Variants in PPP2R3C observed in about 807,000 individuals in gnomAD.
PPP2R3C encodes protein phosphatase 2 regulatory subunit B''gamma.
A neutral mutation model predicts 63.7 loss-of-function variants in PPP2R3C; 47 were observed. That is an observed-to-expected ratio of 0.74 (90% CI 0.58 to 0.94). PPP2R3C has a LOEUF of 0.94. Among genes scored for constraint, PPP2R3C ranks in the 40% least tolerant of loss-of-function variants. The pLI is 0.00. For missense variants in PPP2R3C, 421 were observed against 518.4 expected, an observed-to-expected ratio of 0.81 and a Z score of 1.82; for synonymous variants, 180 against 177.4, an observed-to-expected ratio of 1.01 and a Z score of -0.12.
In PPP2R3C at chr14:35,104,757, GAC is replaced by G. The variant is rs1015051991; in HGVS notation, c.573+2545_573+2546del. ...TCTCATATTTTCTTTTTTCTTTTGA[GAC>G]AGTCTTGCTCTGTTGCCCAGGCTGG... On this transcript the variant is annotated intron_variant, in intron 6 of 12. Coordinates refer to ENST00000261475, the MANE Select transcript of PPP2R3C (RefSeq NM_017917.4). 3.3e-5 allele frequency among the ~76,000 whole-genome samples: 5 copies of G among 152,002 alleles called. No individual in the cohort carries two copies. In the South Asian group the frequency reaches 8.3e-4, roughly 25 times the overall value.
chr14:35,093,900 C>G (rs1033560720), intron 10 of PPP2R3C, among the ~76,000 whole-genome samples: 2 of 152,180 alleles, frequency 1.3e-5, no homozygotes, highest in African/African-American at 4.8e-5. Flanking sequence ...ATCCACCCGC[C>G]TCGGCCTCCC....
intron 7 of PPP2R3C, among the ~76,000 whole-genome samples, chr14:35,098,432 T>C (rs1457402208): frequency 2.0e-5 from 3 of 146,560 alleles, no homozygotes; most frequent in Non-Finnish European, 3.0e-5. Context: ...GGCTCACCTC[T>C]GCCTCCCGGG....
Position 35,085,768 on chromosome 14 carries a change from A to G in PPP2R3C, c.1184T>C (p.Phe395Ser), listed in dbSNP as rs1399684081. The change falls in exon 13 of 13, where the codon TTT becomes TCT. Residue 395 changes from phenylalanine (F) to serine (S), a missense_variant. By Grantham distance (155) the Phe-to-Ser change is radical. This residue lies in a region of PPP2R3C where 231 missense variants were observed against 264.8 expected (regional missense o/e 0.87). Coordinates refer to ENST00000261475, the MANE Select transcript of PPP2R3C (RefSeq NM_017917.4). ...AGGATCCTTTGGTTTTACCATGTCA[A>G]AGATTTCATCCTGCAAGAGAAAAAA... ...VSFQDVKDEIFDMVKPKDPLK... is the reference protein window; with the variant it reads ...VSFQDVKDEISDMVKPKDPLK... 5 of 1,602,374 alleles carry G rather than the reference A, an allele frequency of 3.1e-6. No individual in the cohort carries two copies. Among genetic ancestry groups the G allele is most frequent in the African/African-American group, 1.3e-5 (1 of 74,520 alleles).
At chr14:35,091,709 C>A (rs780396382) in intron 10 of PPP2R3C, among the ~76,000 whole-genome samples, 1 of 151,380 alleles carries the variant, frequency 6.6e-6, no homozygotes, top group Non-Finnish European at 1.5e-5. Flanking sequence ...GTTTTGAGGA[C>A]ATAGTTCTTT....
intron 10 of PPP2R3C, among the ~76,000 whole-genome samples, chr14:35,094,365 C>T (rs1440300176): frequency 6.6e-6 from 1 of 151,848 alleles, no homozygotes; most frequent in African/African-American, 2.4e-5. Context: ...GAGACAGTCT[C>T]GCTGTATTGC....
Position 35,116,646 on chromosome 14 carries a change from A to G in PPP2R3C, c.150T>C (p.Asn50=). ...ACCGGGGAATGGTCTTATAGAATTC[A>G]TTTGTGTTTTTTCTACCTCCTTTCC... ...SEWKGGRKNT[N]EFYKTIPRFY... The change falls in exon 2 of 13, where the codon AAT becomes AAC. Residue 50 remains asparagine (N), a synonymous_variant. Transcript: ENST00000261475. 1 of 1,602,098 alleles carries G rather than the reference A, an allele frequency of 6.2e-7. No homozygotes were observed. Among genetic ancestry groups the G allele is most frequent in the Non-Finnish European group, 8.5e-7 (1 of 1,171,788 alleles).
In PPP2R3C at chr14:35,095,071, A is replaced by G. The variant is rs994087968; in HGVS notation, c.952T>C (p.Cys318Arg). The G allele has an allele frequency of 1.2e-5, 19 of 1,607,786 alleles. No homozygotes were observed. Among genetic ancestry groups the G allele is most frequent in the Non-Finnish European group, 1.5e-5 (18 of 1,174,356 alleles). The change falls in exon 10 of 13, where the codon TGT (cysteine) becomes CGT (arginine). Residue 318 changes from cysteine (C) to arginine (R), a missense_variant. This residue lies in a region of PPP2R3C where 231 missense variants were observed against 264.8 expected (regional missense o/e 0.87). Transcript: ENST00000261475. ...NVFLDRVFQE[C>R]LTYDGEMDYK... Reference sequence around the variant, plus strand: ...ACCATTTCTCCATCATAAGTGAGACACTCCTGGAAAACACGGTCTAAGAAG... The same window carrying G: ...ACCATTTCTCCATCATAAGTGAGACGCTCCTGGAAAACACGGTCTAAGAAG...
intron 9 of PPP2R3C, among the ~76,000 whole-genome samples, 198 bp from the exon 10 acceptor site, chr14:35,095,382 C>T (rs1057071757): frequency 5.3e-5 from 8 of 151,866 alleles, no homozygotes; most frequent in Non-Finnish European, 8.8e-5. Flanking sequence ...TAGAAACAGC[C>T]AAAAAAACCC....
intron 3 of PPP2R3C, chr14:35,110,241 G>T: frequency 2.3e-6 from 1 of 437,614 alleles, no homozygotes; most frequent in Non-Finnish European, 4.1e-6. Context: ...TAGCAGGGCT[G>T]GGATTTGAAC....
chr14:35,100,972 A>G (rs1309818167), intron 6 of PPP2R3C: 1 of 152,006 alleles, frequency 6.6e-6, no homozygotes, highest in South Asian at 2.1e-4. Flanking sequence ...CCAAAATGTC[A>G]TGAATATATT....
intron 6 of PPP2R3C, 57 bp from the exon 7 acceptor site, chr14:35,099,441 G>A: frequency 6.5e-7 from 1 of 1,532,090 alleles, no homozygotes; most frequent in Non-Finnish European, 8.7e-7. Context: ...TTAGATATTA[G>A]AATTTCATTA....
chr14:35,120,868 C>T (rs1434796109), intron 1 of PPP2R3C, among the ~76,000 whole-genome samples: 1 of 152,002 alleles, frequency 6.6e-6, no homozygotes, highest in African/African-American at 2.4e-5. Context: ...ATCCCTTGAG[C>T]CCAGGAAATC....
chr14:35,118,940 C>T (rs1049645427), intron 1 of PPP2R3C, among the ~76,000 whole-genome samples: 1 of 152,112 alleles, frequency 6.6e-6, no homozygotes, highest in Non-Finnish European at 1.5e-5. Flanking sequence ...GCATGAGCCA[C>T]TGCGCCCAGC....
chr14:35,101,585 G>A (rs1402158658), intron 6 of PPP2R3C: 2 of 152,176 alleles, frequency 1.3e-5, no homozygotes, highest in African/African-American at 4.8e-5. Flanking sequence ...CAGAAGCACT[G>A]TGAAAAAATT....
At chr14:35,111,314 C>A (rs1373145211) in intron 2 of PPP2R3C, among the ~76,000 whole-genome samples, 1 of 151,432 alleles carries the variant, frequency 6.6e-6, no homozygotes, top group Non-Finnish European at 1.5e-5. Context: ...TTCAAAACCA[C>A]CTTTGCAAAA....
intron 10 of PPP2R3C, among the ~76,000 whole-genome samples, chr14:35,092,300 G>C (rs901477165): frequency 4.7e-5 from 7 of 149,600 alleles, no homozygotes; most frequent in Non-Finnish European, 1.0e-4. Flanking sequence ...AAACTCCTGG[G>C]CTCAAGCAAT....
intron 7 of PPP2R3C, 61 bp downstream of exon 7, chr14:35,099,191 A>G: frequency 7.2e-7 from 1 of 1,397,284 alleles, no homozygotes; most frequent in Admixed American, 3.5e-5. Context: ...TTCTCTAGTT[A>G]TTGAGATTTA....
intron 10 of PPP2R3C, 143 bp from the exon 11 acceptor site, chr14:35,091,350 T>C (rs575234112): frequency 6.0e-5 from 45 of 747,318 alleles, no homozygotes; most frequent in Non-Finnish European, 8.4e-5. Flanking sequence ...AATCCATTTA[T>C]ATACTTAATA....
intron 9 of PPP2R3C, among the ~76,000 whole-genome samples, chr14:35,095,614 C>T (rs185046135): frequency 1.3e-5 from 2 of 149,460 alleles, no homozygotes; most frequent in East Asian, 3.9e-4. Context: ...CTGAGGAGGG[C>T]AGATCAGAGG....
Sources: allele counts gnomAD v4.1 joint callset (sites outside exome capture counted in the v4.1 genomes callset), GRCh38; gene constraint gnomAD v4.1.1; regional missense constraint gnomAD v4.1.1; transcripts MANE v1.5; gene names NCBI Gene and HGNC (gene_info 2026-07-23, HGNC 2026-07-21).